The following ST18 variants were observed in gnomAD, a reference collection of about 807,000 sequenced individuals.
ST18 encodes suppression of tumorigenicity 18 protein.
In ST18, 50 loss-of-function variants were observed where a neutral mutation model predicts 110.0. The observed-to-expected ratio is 0.45, with a 90% CI of 0.36 to 0.58. The LOEUF is 0.58. Ranked by LOEUF, ST18 falls within the 20% of genes least tolerant of loss-of-function variation. ST18 has a pLI of 0.00. For missense variants in ST18, 1,306 were observed against 1,280.1 expected (o/e 1.02, Z -0.31); for synonymous variants, 461 against 452.4 (o/e 1.02, Z -0.24).
chr8:52,219,201 A>G (rs1337654748), intron 5 of ST18, among the ~76,000 whole-genome samples: 1 of 152,172 alleles, frequency 6.6e-6, no homozygotes, highest in Non-Finnish European at 1.5e-5. Context: ...TCACACAAGG[A>G]AAAATCATGG....
intron 2 of ST18, among the ~76,000 whole-genome samples, chr8:52,257,200 T>C (rs577394987): frequency 6.6e-6 from 1 of 152,344 alleles, no homozygotes; most frequent in East Asian, 1.9e-4. Context: ...TATTTATCCA[T>C]TCATTGATTG....
At chr8:52,343,572 G>A (rs1816244199) in intron 2 of ST18, among the ~76,000 whole-genome samples, 1 of 152,078 alleles carries the variant, frequency 6.6e-6, no homozygotes, top group Admixed American at 6.5e-5. Context: ...CACACGCAGT[G>A]GAGCCATCGC....
At chr8:52,278,071 A>G (rs764920478) in intron 2 of ST18, among the ~76,000 whole-genome samples, 4 of 152,178 alleles carry the variant, frequency 2.6e-5, no homozygotes, top group Admixed American at 6.5e-5. Flanking sequence ...TTCCTAGCTG[A>G]TAATAACAAT....
chr8:52,286,733 C>G (rs890621667), intron 2 of ST18, among the ~76,000 whole-genome samples: 1 of 151,048 alleles, frequency 6.6e-6, no homozygotes, highest in Non-Finnish European at 1.5e-5. Flanking sequence ...CTCATTGCAC[C>G]AAGCCATACT....
chr8:52,406,103 G>A (rs1844386063), intron 2 of ST18: 1 of 152,162 alleles, frequency 6.6e-6, no homozygotes, highest in Admixed American at 6.5e-5. Flanking sequence ...GTGAAGACAA[G>A]AGTCAAAATA....
chr8:52,190,709 A>G (rs1462149938), intron 8 of ST18, among the ~76,000 whole-genome samples: 1 of 152,210 alleles, frequency 6.6e-6, no homozygotes, highest in African/African-American at 2.4e-5. Context: ...TTGTCAGGAT[A>G]TAGTTTGAAG....
In ST18 at chr8:52,354,985, C is replaced by T. The variant is rs566078937; in HGVS notation, c.-465+54343G>A. Among the ~76,000 whole-genome samples, 18 of 152,290 alleles carry T rather than the reference C, an allele frequency of 1.2e-4. No homozygotes were observed. The South Asian group carries it at 2.1e-3, about 18-fold the overall frequency. The stretch of plus-strand genomic sequence containing the variant: ...TTGAGAATTACACCTTCATAAAAGC[C>T]TAGAAGGCCATGTTCAAAAGGAGAC... On this transcript the variant is annotated intron_variant, in intron 2 of 25. Coordinates refer to ENST00000689386, the MANE Select transcript of ST18 (RefSeq NM_001352837.2).
At chr8:52,373,726 A>G (rs1831102614) in intron 2 of ST18, among the ~76,000 whole-genome samples, 1 of 152,122 alleles carries the variant, frequency 6.6e-6, no homozygotes, top group Non-Finnish European at 1.5e-5. Context: ...CTAATACATT[A>G]TAATACATTT....
chr8:52,126,112 C>A lies in ST18; in HGVS notation c.2695G>T (p.Val899Phe). ...SLSGCPLNAQ[V>F]IKKGKVSEEL... ...TCAGAAACCTTGCCCTTTTTGATAA[C>A]TTGTGCATTGAGAGGACATCCAGAT... is the stretch of plus-strand genomic sequence containing the variant. The change falls in exon 23 of 26, where the codon GTT becomes TTT. Residue 899 changes from valine to phenylalanine, a missense_variant. Coordinates refer to ENST00000689386, the MANE Select transcript of ST18 (RefSeq NM_001352837.2). The A allele has an allele frequency of 6.2e-7, 1 of 1,614,016 alleles. No individual in the cohort carries two copies. The highest frequency in any genetic ancestry group is 8.5e-7 in the Non-Finnish European group (1 of 1,179,968).
At chr8:52,166,750 A>G in intron 11 of ST18, 102 bp downstream of exon 11, 1 of 1,365,860 alleles carries the variant, frequency 7.3e-7, no homozygotes, top group Non-Finnish European at 9.6e-7. Context: ...AGTTTAAAAA[A>G]GTTTGTTTCC....
Position 52,355,325 on chromosome 8 carries a change from A to T in ST18, c.-465+54003T>A, listed in dbSNP as rs533708145. Among the ~76,000 whole-genome samples, 36 of 152,198 alleles carry T rather than the reference A, an allele frequency of 2.4e-4. No individual in the cohort carries two copies. In the South Asian group the frequency reaches 7.5e-3, roughly 32 times the overall value. ...TGGTCTATCTAATGGCCGTGAACCT[A>T]CCTCCGGGGCCTGTGTGGGCCTCCT... is the stretch of plus-strand genomic sequence containing the variant. On this transcript the variant is annotated intron_variant, in intron 2 of 25. Transcript: ENST00000689386.
At chr8:52,267,740 C>A (rs925522973) in intron 2 of ST18, among the ~76,000 whole-genome samples, 2 of 152,138 alleles carry the variant, frequency 1.3e-5, no homozygotes, top group Admixed American at 1.3e-4. Flanking sequence ...AAATGTTAAG[C>A]GGGGTATTCT....
intron 2 of ST18, among the ~76,000 whole-genome samples, chr8:52,240,829 T>C (rs559647105): frequency 6.6e-6 from 1 of 152,344 alleles, no homozygotes; most frequent in East Asian, 1.9e-4. Context: ...AAGCTGCTTA[T>C]GTCTCTGGTT....
intron 2 of ST18, among the ~76,000 whole-genome samples, chr8:52,397,595 C>T (rs1841576220): frequency 6.6e-6 from 1 of 152,132 alleles, no homozygotes; most frequent in Non-Finnish European, 1.5e-5. Context: ...TCAGGTCTTA[C>T]ATTTAGGCCT....
chr8:52,276,149 A>ACATCACACATGCAAG (rs1423510679), intron 2 of ST18, among the ~76,000 whole-genome samples: 5 of 2,210 alleles, frequency 2.3e-3, no homozygotes, highest in Non-Finnish European at 2.4e-3. Context: ...CCACATGCAC[A>ACATCACACATGCAAG]CCACGCACCA....
chr8:52,357,671 CTATAAATATATATATATATATA>C (rs1479135767), intron 2 of ST18, among the ~76,000 whole-genome samples: 7 of 59,990 alleles, frequency 1.2e-4, no homozygotes, highest in African/African-American at 2.1e-4. Context: ...TCCCCAAAAT[CTATAAATATATATATATATATA>C]TATATATATA....
intron 2 of ST18, chr8:52,254,398 T>G (rs946981325): frequency 4.6e-5 from 7 of 152,172 alleles, no homozygotes; most frequent in Admixed American, 4.6e-4. Context: ...TTGTGTCCCC[T>G]CCTTACGTCA....
intron 2 of ST18, among the ~76,000 whole-genome samples, chr8:52,386,917 A>G (rs1378280021): frequency 6.6e-6 from 1 of 152,212 alleles, no homozygotes; most frequent in African/African-American, 2.4e-5. Context: ...ATGCTCTAAT[A>G]ATCCAACTAG....
chr8:52,229,284 G>C (rs1489831203), intron 3 of ST18, among the ~76,000 whole-genome samples: 1 of 152,160 alleles, frequency 6.6e-6, no homozygotes, highest in African/African-American at 2.4e-5. Flanking sequence ...TACAGTTTTG[G>C]AGGTCCAAAG....
Sources: allele counts gnomAD v4.1 joint callset (sites outside exome capture counted in the v4.1 genomes callset), GRCh38; gene constraint gnomAD v4.1.1; transcripts MANE v1.5; gene names NCBI Gene and HGNC (gene_info 2026-07-23, HGNC 2026-07-21).